CDH10: variants seen among roughly 807,000 people sequenced by gnomAD.
CDH10 encodes the protein cadherin 10.
A neutral mutation model predicts 73.1 loss-of-function variants in CDH10; 30 were observed. The ratio of observed to expected loss-of-function variants is 0.41; its 90% CI spans 0.31 to 0.56. CDH10 has a LOEUF of 0.56. Ranked by LOEUF, CDH10 falls within the 20% of genes least tolerant of loss-of-function variation. The probability of loss-of-function intolerance (pLI) is 0.27; values close to 1 mark genes in which losing one functional copy is unlikely to be tolerated. For synonymous variants in CDH10, 345 were observed against 348.2 expected (o/e 0.99, Z 0.10); for missense variants, 815 against 973.7 (o/e 0.84, Z 2.17).
At position 24,497,262 on chromosome 5, in the gene CDH10, A is replaced by G. The variant is rs573214587; in HGVS notation, c.1515+1136T>C. ...TGAAAATCAAATAGAATAACCATAG[A>G]GGGAGCGATGTATGCAGCAGTAGCA... On this transcript the variant is annotated intron_variant, in intron 9 of 11. Transcript: ENST00000264463. 4.6e-5 allele frequency among the ~76,000 whole-genome samples: 7 copies of G among 152,164 alleles called. 1 individual carries two copies. In the South Asian group the frequency reaches 1.4e-3, roughly 32 times the overall value.
At chr5:24,586,072 T>C (rs967875071) in intron 2 of CDH10, among the ~76,000 whole-genome samples, 3 of 152,186 alleles carry the variant, frequency 2.0e-5, no homozygotes, top group African/African-American at 7.2e-5. Flanking sequence ...TAAGTTAAGC[T>C]AAACTGCAGC....
chr5:24,559,115 T>C (rs1269392275), intron 2 of CDH10, among the ~76,000 whole-genome samples: 1 of 88,042 alleles, frequency 1.1e-5, no homozygotes, highest in African/African-American at 4.3e-5. Flanking sequence ...CCTTATTTTG[T>C]TTTATTATTG....
At chr5:24,518,922 G>T (rs377359628) in intron 5 of CDH10, among the ~76,000 whole-genome samples, 3 of 108,188 alleles carry the variant, frequency 2.8e-5, no homozygotes, top group East Asian at 6.0e-4. Flanking sequence ...ACAGAGTCTT[G>T]CTCGGTCACC....
intron 2 of CDH10, among the ~76,000 whole-genome samples, chr5:24,572,144 C>G (rs183017386): frequency 1.3e-5 from 2 of 152,036 alleles, no homozygotes; most frequent in Admixed American, 6.5e-5. Context: ...GGAGCTCTGT[C>G]TGAAGAAGAA....
chr5:24,492,522 T>G (rs566827212), intron 10 of CDH10, among the ~76,000 whole-genome samples: 2 of 152,330 alleles, frequency 1.3e-5, no homozygotes, highest in East Asian at 3.9e-4. Context: ...TTTTCTACCC[T>G]ATGTGTCCTA....
Position 24,595,107 on chromosome 5 carries a change from TTG to T in CDH10, c.-123-1496_-123-1495del, listed in dbSNP as rs58078316. On this transcript the variant is annotated intron_variant, in intron 1 of 11. Transcript: ENST00000264463. ...ATATTGTGAACATACTTATTTTGTT[TTG>T]TGTGTGTGTGTGTGTGTCTATTGTC... Among the ~76,000 whole-genome samples the T allele has an allele frequency of 4.7e-3, 713 of 150,546 alleles. 4 individuals are homozygous for T. Among genetic ancestry groups the T allele is most frequent in the Admixed American group, 8.9e-3 (133 of 15,002 alleles).
Position 24,509,837 on chromosome 5 carries a change from TC to T in CDH10, c.1003-19del. ...TCGAGTGGCTGTATAAAAAAATAAA[TC>T]ATCAAATTAGAGTGAGGGAAATTGG... is the stretch of plus-strand genomic sequence containing the variant. On this transcript the variant is annotated intron_variant, in intron 6 of 11. Coordinates refer to ENST00000264463, the MANE Select transcript of CDH10 (RefSeq NM_006727.5). The T allele has an allele frequency of 6.3e-7, 1 of 1,589,232 alleles. No individual in the cohort carries two copies. Among genetic ancestry groups the T allele is most frequent in the Non-Finnish European group, 8.6e-7 (1 of 1,168,072 alleles).
At chr5:24,506,164 T>A (rs547779113) in intron 7 of CDH10, among the ~76,000 whole-genome samples, 3 of 150,786 alleles carry the variant, frequency 2.0e-5, no homozygotes, top group Admixed American at 2.0e-4. Context: ...GGATAAGAGT[T>A]TTTAATATAT....
chr5:24,517,591 A>G (rs886836939), intron 5 of CDH10, among the ~76,000 whole-genome samples: 1 of 152,154 alleles, frequency 6.6e-6, no homozygotes, highest in African/African-American at 2.4e-5. Flanking sequence ...GTTTTTGACA[A>G]TGCAAGCTAA....
chr5:24,487,643 A>C lies in CDH10; in HGVS notation c.*20T>G. ...GGGTAGAGTTACTTTCTCTTGTTTGAACAGAACATATATCCTACGTTAAGA... is the reference window on the plus strand; with the variant it reads ...GGGTAGAGTTACTTTCTCTTGTTTGCACAGAACATATATCCTACGTTAAGA... On this transcript the variant is annotated 3_prime_UTR_variant, in exon 12 of 12. Transcript: ENST00000264463. 6.3e-7 allele frequency: 1 copy of C among 1,589,246 alleles called. No homozygotes were observed. The highest frequency in any genetic ancestry group is 8.6e-7 in the Non-Finnish European group (1 of 1,166,642).
chr5:24,489,735 G>C (rs1255142504), intron 11 of CDH10, among the ~76,000 whole-genome samples: 1 of 152,094 alleles, frequency 6.6e-6, no homozygotes, highest in Admixed American at 6.6e-5. Context: ...TTCAAAAGCA[G>C]TTAAAAGCAG....
At chr5:24,581,229 T>A (rs1404398866) in intron 2 of CDH10, among the ~76,000 whole-genome samples, 2 of 151,344 alleles carry the variant, frequency 1.3e-5, no homozygotes, top group Non-Finnish European at 3.0e-5. Flanking sequence ...AGTTGACTCC[T>A]TGCTTTCCTC....
At chr5:24,627,941 T>C (rs1747567550) in intron 1 of CDH10, among the ~76,000 whole-genome samples, 1 of 152,094 alleles carries the variant, frequency 6.6e-6, no homozygotes, top group Non-Finnish European at 1.5e-5. Context: ...GAAGTTGATA[T>C]TGTCCAAGTT....
At chr5:24,619,276 T>C (rs1039695617) in intron 1 of CDH10, among the ~76,000 whole-genome samples, 20 of 151,906 alleles carry the variant, frequency 1.3e-4, no homozygotes, top group Middle Eastern at 3.2e-3. Flanking sequence ...TCACTGCAAG[T>C]TCCGCCTCCC....
At chr5:24,582,638 T>G (rs143058571) in intron 2 of CDH10, among the ~76,000 whole-genome samples, 1,589 of 152,218 alleles carry the variant, frequency 0.01, 13 homozygotes, top group Middle Eastern at 0.02. Flanking sequence ...TTTAAAAAAT[T>G]TTTAAAACAT....
chr5:24,561,253 G>A (rs1042288953), intron 2 of CDH10, among the ~76,000 whole-genome samples: 6 of 152,092 alleles, frequency 3.9e-5, no homozygotes, highest in African/African-American at 7.2e-5. Flanking sequence ...GTTAAAAAGC[G>A]TAATCTCTGG....
At chr5:24,600,506 G>T (rs541441824) in intron 1 of CDH10, among the ~76,000 whole-genome samples, 1 of 152,280 alleles carries the variant, frequency 6.6e-6, no homozygotes, top group African/African-American at 2.4e-5. Flanking sequence ...CATGAAAAGA[G>T]CACCTAATCC....
intron 2 of CDH10, among the ~76,000 whole-genome samples, chr5:24,557,863 G>T (rs1030366408): frequency 2.0e-5 from 3 of 151,722 alleles, no homozygotes; most frequent in Non-Finnish European, 4.4e-5. Context: ...GGCAACTAAT[G>T]ATGCATAGCA....
chr5:24,608,562 A>G (rs968685219), intron 1 of CDH10, among the ~76,000 whole-genome samples: 2 of 152,184 alleles, frequency 1.3e-5, no homozygotes, highest in Non-Finnish European at 2.9e-5. Context: ...AAGTGCCAGA[A>G]TTACAGGCGT....
Sources: allele counts gnomAD v4.1 joint callset (sites outside exome capture counted in the v4.1 genomes callset), GRCh38; gene constraint gnomAD v4.1.1; transcripts MANE v1.5; gene names NCBI Gene and HGNC (gene_info 2026-07-23, HGNC 2026-07-21).